TASOR2: variants seen among roughly 807,000 people sequenced by gnomAD.
TASOR2 encodes protein TASOR 2.
TASOR2 carries 84 observed loss-of-function variants against 199.5 expected under a neutral mutation model. The observed-to-expected ratio is 0.42, with a 90% confidence interval of 0.35 to 0.50. TASOR2 has a LOEUF of 0.50. Ranked by LOEUF, TASOR2 falls within the 20% of genes least tolerant of loss-of-function variation. TASOR2 has a pLI of 0.02. For missense variants in TASOR2, 2,796 were observed against 2,835.9 expected, an observed-to-expected ratio of 0.99 and a Z score of 0.32; for synonymous variants, 1,103 against 1,046.6, an observed-to-expected ratio of 1.05 and a Z score of -1.04.
intron 14 of TASOR2, among the ~76,000 whole-genome samples, chr10:5,744,732 A>T (rs1386541960): frequency 6.6e-6 from 1 of 150,686 alleles, no homozygotes; most frequent in African/African-American, 2.5e-5. Flanking sequence ...CCCGGGTTCA[A>T]GTGACTCTGC....
Position 5,706,509 on chromosome 10 carries a change from A to G in TASOR2, c.-287-6314A>G, listed in dbSNP as rs1433882305. Among the ~76,000 whole-genome samples the G allele has an allele frequency of 6.6e-6, 1 of 152,218 alleles. No homozygotes were observed. The highest frequency in any genetic ancestry group is 1.5e-5 in the Non-Finnish European group (1 of 68,052). ...CCAGAAAGGTCCTTCCAAAAAAAAG[A>G]AAAGAAGCTGCTCAAAACAGACAAA... On this transcript the variant is annotated intron_variant, in intron 1 of 20. Transcript: ENST00000328090. The surrounding 1 kb of genome is among the most constrained non-coding windows in gnomAD (Gnocchi z 4.8).
chr10:5,728,922 TTTG>T (rs1834419960), intron 10 of TASOR2, among the ~76,000 whole-genome samples: 1 of 151,660 alleles, frequency 6.6e-6, no homozygotes, highest in Non-Finnish European at 1.5e-5. Context: ...TTATTTTATT[TTTG>T]TTTTTTAGTT....
intron 6 of TASOR2, among the ~76,000 whole-genome samples, 172 bp from the exon 8 acceptor site, chr10:5,723,505 T>A (rs1474348141): frequency 1.3e-5 from 2 of 152,202 alleles, no homozygotes; most frequent in Non-Finnish European, 2.9e-5. Context: ...GGTCATATAT[T>A]TGAAAATCTG....
chr10:5,713,733 T>C (rs2131552778), intron 2 of TASOR2: 1 of 153,154 alleles, frequency 6.5e-6, no homozygotes, highest in Non-Finnish European at 1.5e-5. Flanking sequence ...AAAATAAATC[T>C]TCTAGTGGAC....
At position 5,719,063 on chromosome 10, in the gene TASOR2, G is replaced by A. The variant is rs1256576536; in HGVS notation, c.-100+1313G>A. On this transcript the variant is annotated intron_variant, in intron 3 of 20. Coordinates refer to ENST00000328090, the Ensembl canonical transcript of TASOR2. The surrounding 1 kb of genome is among the most constrained non-coding windows in gnomAD (Gnocchi z 4.1). Reference sequence around the variant, plus strand: ...GAGATGGTAGAGATGATTGGTTACTGATAAGTACTATTTACATTTTTTGGC... The same window carrying A: ...GAGATGGTAGAGATGATTGGTTACTAATAAGTACTATTTACATTTTTTGGC... Among the ~76,000 whole-genome samples the A allele has an allele frequency of 1.3e-5, 2 of 152,094 alleles. No homozygotes were observed.
Position 5,689,842 on chromosome 10 carries a change from C to G in TASOR2, c.-288+4667C>G, listed in dbSNP as rs1836226340. On this transcript the variant is annotated intron_variant, in intron 1 of 20. Coordinates refer to ENST00000328090, the Ensembl canonical transcript of TASOR2. This position sits in a 1 kb window ranked among gnomAD's most constrained non-coding sequence, Gnocchi z 4.1. Reference sequence around the variant, plus strand: ...TCCCCAACAGACATACATTGCCAAACTTGTGGATTTTTGATAATTTTTGAT... The same window carrying G: ...TCCCCAACAGACATACATTGCCAAAGTTGTGGATTTTTGATAATTTTTGAT... 6.6e-6 allele frequency among the ~76,000 whole-genome samples: 1 copy of G among 152,104 alleles called. No individual in the cohort carries two copies. The highest frequency in any genetic ancestry group is 2.1e-4 in the South Asian group (1 of 4,820).
chr10:5,759,127 T>C, intron 18 of TASOR2, 135 bp downstream of exon 19: 4 of 633,220 alleles, frequency 6.3e-6, no homozygotes, highest in South Asian at 2.0e-5. Context: ...CTGCTGGCTC[T>C]GTATTCAATG....
intron 15 of TASOR2, among the ~76,000 whole-genome samples, chr10:5,755,623 TG>T (rs1313747769): frequency 2.0e-5 from 3 of 151,460 alleles, no homozygotes; most frequent in African/African-American, 7.3e-5. Context: ...TTCACTTTTA[TG>T]AAGGAAATAA....
chr10:5,712,844 A>G (rs1397340001), exon 2 of TASOR2: 2 of 1,230,866 alleles, frequency 1.6e-6, no homozygotes, highest in East Asian at 6.3e-5. Flanking sequence ...TTACCAACAA[A>G]AAAAAGCAAG....
intron 14 of TASOR2, among the ~76,000 whole-genome samples, chr10:5,743,038 A>G (rs1836658955): frequency 1.3e-5 from 2 of 152,256 alleles, no homozygotes; most frequent in Admixed American, 1.3e-4. Flanking sequence ...TATGGAAAAT[A>G]TACTTTGTTT....
chr10:5,692,053 T>TA (rs1165040631), intron 1 of TASOR2, among the ~76,000 whole-genome samples: 1 of 148,272 alleles, frequency 6.7e-6, no homozygotes, highest in African/African-American at 2.5e-5. Context: ...CCCATACCTG[T>TA]AATTCCAGCT....
chr10:5,712,393 G>A, intron 1 of TASOR2: 1 of 1,231,476 alleles, frequency 8.1e-7, no homozygotes, highest in Non-Finnish European at 1.0e-6. Flanking sequence ...GTGTTTTACA[G>A]TTTTTGAGAC....
Position 5,720,693 on chromosome 10 carries a change from T to C in TASOR2, c.26+25T>C, listed in dbSNP as rs1833239878. 2 of 1,613,944 alleles carry C rather than the reference T, an allele frequency of 1.2e-6. No individual in the cohort carries two copies. Among genetic ancestry groups the C allele is most frequent in the Admixed American group, 3.3e-5 (2 of 60,000 alleles). ...TGTAAGTAATTATGTGCATGCTTTG[T>C]TTTACTGAATTTGTTCCTTTTACTC... On this transcript the variant is annotated intron_variant, in intron 4 of 20. Coordinates refer to ENST00000328090, the Ensembl canonical transcript of TASOR2. The surrounding 1 kb of genome is among the most constrained non-coding windows in gnomAD (Gnocchi z 5.3).
Position 5,759,260 on chromosome 10 carries a change from C to G in TASOR2, c.6992+268C>G, listed in dbSNP as rs912551303. ...TCCATATTCTATTTAAGCCCTACTA[C>G]TACAAACTTTAAAAAATATATGGAA... On this transcript the variant is annotated intron_variant, in intron 18 of 20. Transcript: ENST00000328090. Among the ~76,000 whole-genome samples, 16 of 152,278 alleles carry G rather than the reference C, an allele frequency of 1.1e-4. No individual in the cohort carries two copies. In the East Asian group the frequency reaches 3.1e-3, roughly 29 times the overall value.
intron 11 of TASOR2, among the ~76,000 whole-genome samples, chr10:5,731,493 G>A (rs968777214): frequency 2.6e-5 from 4 of 152,286 alleles, no homozygotes; most frequent in South Asian, 2.1e-4. Flanking sequence ...ACGCCATTGC[G>A]CTCCCGCCTG....
chr10:5,735,782 G>C (rs546916422), intron 12 of TASOR2, among the ~76,000 whole-genome samples: 1 of 152,154 alleles, frequency 6.6e-6, no homozygotes, highest in East Asian at 1.9e-4. Flanking sequence ...TTTGCAAAAA[G>C]CCTGAACATG....
chr10:5,746,639 A>G (rs761240991), exon 15 of TASOR2: 1 of 1,614,160 alleles, frequency 6.2e-7, no homozygotes, highest in Non-Finnish European at 8.5e-7. Context: ...AATACTGCTG[A>G]TGAACGTACA....
chr10:5,711,963 TAA>T lies in TASOR2; in HGVS notation c.-287-858_-287-857del, dbSNP rs200050207. Among the ~76,000 whole-genome samples the T allele has an allele frequency of 1.2e-3, 185 of 151,612 alleles. 3 individuals carry two copies. The East Asian group carries it at 0.026, about 22-fold the overall frequency. On this transcript the variant is annotated intron_variant, in intron 1 of 20. Coordinates refer to ENST00000328090, the Ensembl canonical transcript of TASOR2. ...GACTTAGGGATTTAATGAAAATATG[TAA>T]AGAGTAAGTTTATCAAGTGTGGCGT...
rs1838479575 is a variant in TASOR2 at position 5,754,086 on chromosome 10, C to T, written c.6607-2527C>T. The stretch of plus-strand genomic sequence containing the variant: ...TTGGGAGGCCGAGGCAGGTGGATCA[C>T]CTGAAGTCAGGAGTTGGAGACCAGC... On this transcript the variant is annotated intron_variant, in intron 15 of 20. Transcript: ENST00000328090. The surrounding 1 kb of genome is among the most constrained non-coding windows in gnomAD (Gnocchi z 4.3). 6.6e-6 allele frequency among the ~76,000 whole-genome samples: 1 copy of T among 152,128 alleles called. No homozygotes were observed.
Sources: allele counts gnomAD v4.1 joint callset (sites outside exome capture counted in the v4.1 genomes callset), GRCh38; gene constraint gnomAD v4.1.1; non-coding constraint Gnocchi (gnomAD v3.1); transcripts MANE v1.5; gene names NCBI Gene and HGNC (gene_info 2026-07-23, HGNC 2026-07-21).